The following MAPK8 variants were observed in gnomAD, a reference collection of about 807,000 sequenced individuals.
MAPK8 encodes JUN N-terminal kinase.
Under a neutral mutation model 52.9 loss-of-function variants are expected in MAPK8, and 13 were observed. The observed-to-expected ratio is 0.25, with a 90% confidence interval of 0.16 to 0.39. The LOEUF (loss-of-function observed/expected upper bound fraction) is 0.39, where lower values mean the gene tolerates loss of function less well. Ranked by LOEUF, MAPK8 falls within the 10% of genes least tolerant of loss-of-function variation. The probability of loss-of-function intolerance (pLI) is 1.00; values close to 1 mark genes in which losing one functional copy is unlikely to be tolerated. For synonymous variants in MAPK8, 191 were observed against 169.8 expected (o/e 1.12, Z -0.97); for missense variants, 300 against 519.2 (o/e 0.58, Z 4.10).
At chr10:48,357,864 C>A (rs1178700524) in intron 1 of MAPK8, among the ~76,000 whole-genome samples, 4 of 152,190 alleles carry the variant, frequency 2.6e-5, no homozygotes, top group African/African-American at 9.7e-5. Context: ...TCCTCATTCC[C>A]CTGTCCCATT....
chr10:48,420,316 A>C lies in MAPK8; in HGVS notation c.612A>C (p.Glu204Asp). The C allele has an allele frequency of 6.2e-7, 1 of 1,604,004 alleles. No homozygotes were observed. Among genetic ancestry groups the C allele is most frequent in the Non-Finnish European group, 8.5e-7 (1 of 1,173,902 alleles). Residue 204 changes from glutamate to aspartate, a missense_variant, in exon 6 of 12, where the codon GAA (glutamate) becomes GAC (aspartate). Around this residue, in one of 3 missense-constraint regions of MAPK8, gnomAD observed 147 missense variants for 328.1 expected, o/e 0.45. Coordinates refer to ENST00000374189, the MANE Select transcript of MAPK8 (RefSeq NM_001323329.2). ...PEVILGMGYK[E>D]NVDLWSVGCI... ...TCATCCTTGGCATGGGCTACAAGGA[A>C]AACGGTCAGCACACACATTTATTTG...
At chr10:48,406,823 G>GCACC (rs1313145777) in intron 3 of MAPK8, among the ~76,000 whole-genome samples, 3 of 152,002 alleles carry the variant, frequency 2.0e-5, no homozygotes, top group African/African-American at 4.8e-5. Context: ...AAGTGACCTA[G>GCACC]CACACACTAC....
chr10:48,400,891 G>A (rs2042125423), intron 1 of MAPK8, among the ~76,000 whole-genome samples: 2 of 152,220 alleles, frequency 1.3e-5, no homozygotes, highest in South Asian at 4.1e-4. Context: ...GTAAAGGAAT[G>A]GTAGTCAGAA....
At chr10:48,347,954 A>T (rs1302517464) in intron 1 of MAPK8, among the ~76,000 whole-genome samples, 1 of 152,204 alleles carries the variant, frequency 6.6e-6, no homozygotes, top group East Asian at 1.9e-4. Flanking sequence ...CTGGTTCTAC[A>T]TCCTTGAGGA....
intron 10 of MAPK8, among the ~76,000 whole-genome samples, chr10:48,427,856 G>A (rs1368083894): frequency 3.3e-5 from 5 of 152,062 alleles, no homozygotes; most frequent in Non-Finnish European, 7.4e-5. Context: ...TTAATAACTG[G>A]TTAGTGTTCT....
chr10:48,355,466 G>A lies in MAPK8; in HGVS notation c.-49-46146G>A, dbSNP rs548011637. Among the ~76,000 whole-genome samples the A allele has an allele frequency of 7.2e-5, 10 of 139,374 alleles. No homozygotes were observed. The East Asian group carries it at 1.7e-3, about 23-fold the overall frequency. The allele number at this position is 139,374 out of a possible 152,430, so 91.4% of individuals were successfully genotyped here. On this transcript the variant is annotated intron_variant, in intron 1 of 11. Transcript: ENST00000374189. ...GGAGCTTGCAGTGAGCCGAGATTGC[G>A]CCACTGCACTCCAGCCTGGGTGACA...
chr10:48,413,243 A>G lies in MAPK8; in HGVS notation c.450+3075A>G, dbSNP rs73309924. Among the ~76,000 whole-genome samples the G allele has an allele frequency of 3.0e-3, 458 of 152,342 alleles. 4 individuals carry two copies. Among genetic ancestry groups the G allele is most frequent in the African/African-American group, 0.011 (443 of 41,574 alleles). On this transcript the variant is annotated intron_variant, in intron 5 of 11. Coordinates refer to ENST00000374189, the MANE Select transcript of MAPK8 (RefSeq NM_001323329.2). The stretch of plus-strand genomic sequence containing the variant: ...TTTAGCTCTTTTGAAAAATGCTGCT[A>G]TGAACATGGTTGTCCAAATATCTCT...
chr10:48,424,265 G>A, intron 7 of MAPK8, 106 bp downstream of exon 7: 1 of 1,071,406 alleles, frequency 9.3e-7, no homozygotes. Context: ...TTTTAAACAG[G>A]CATAAAGTTT....
rs988262121 is a variant in MAPK8 at position 48,431,247 on chromosome 10, T to C, written c.1115T>C (p.Ile372Thr). 3 of 1,611,968 alleles carry C rather than the reference T, an allele frequency of 1.9e-6. No individual in the cohort carries two copies. Among genetic ancestry groups the C allele is most frequent in the South Asian group, 1.1e-5 (1 of 91,008 alleles). ...GAGGAGAGAACCAAGAATGGAGTTA[T>C]ACGGGGGCAGCCCTCTCCTTTAGGT... The part of the protein sequence containing the change: ...DLEERTKNGV[I>T]RGQPSPLGAA... Residue 372 changes from isoleucine (I) to threonine (T), a missense_variant, in exon 11 of 12, where the codon ATA becomes ACA. Transcript: ENST00000374189.
chr10:48,421,340 A>G (rs2043342488), intron 6 of MAPK8, among the ~76,000 whole-genome samples: 2 of 152,180 alleles, frequency 1.3e-5, no homozygotes, highest in African/African-American at 4.8e-5. Flanking sequence ...CTGAAATTTG[A>G]AGTTTTTTAT....
chr10:48,365,038 G>T (rs1254918396), intron 1 of MAPK8, among the ~76,000 whole-genome samples: 3 of 152,104 alleles, frequency 2.0e-5, no homozygotes, highest in Non-Finnish European at 4.4e-5. Flanking sequence ...ATTTAAAGGA[G>T]AATGGCAAGT....
intron 11 of MAPK8, among the ~76,000 whole-genome samples, chr10:48,434,544 T>C (rs979591902): frequency 6.6e-6 from 1 of 152,214 alleles, no homozygotes; most frequent in Non-Finnish European, 1.5e-5. Context: ...TTGCATGTAT[T>C]ATCAGCAGTA....
intron 1 of MAPK8, among the ~76,000 whole-genome samples, chr10:48,345,723 C>A (rs1845707118): frequency 6.6e-6 from 1 of 152,072 alleles, no homozygotes; most frequent in Admixed American, 6.6e-5. Flanking sequence ...TGCTCAGGAC[C>A]CAGATAATAT....
At chr10:48,328,557 T>C (rs74130245) in intron 1 of MAPK8, among the ~76,000 whole-genome samples, 93 of 152,326 alleles carry the variant, frequency 6.1e-4, no homozygotes, top group African/African-American at 2.2e-3. Context: ...GGACACTCCT[T>C]TTCTTTAGGA....
intron 1 of MAPK8, among the ~76,000 whole-genome samples, chr10:48,321,496 T>G (rs1239327446): frequency 6.6e-6 from 1 of 152,236 alleles, no homozygotes; most frequent in African/African-American, 2.4e-5. Flanking sequence ...GCATCATTTG[T>G]AGCACAAAAA....
At chr10:48,333,653 C>T (rs762518953) in intron 1 of MAPK8, among the ~76,000 whole-genome samples, 10 of 152,158 alleles carry the variant, frequency 6.6e-5, no homozygotes, top group East Asian at 1.9e-4. Flanking sequence ...ATAACTTGAC[C>T]GGCCGGATGC....
At position 48,420,300 on chromosome 10, in the gene MAPK8, G is replaced by C; in HGVS notation, c.596G>C (p.Gly199Ala). ...RYYRAPEVIL[G>A]MGYKENVDLW... ...TACAGAGCACCCGAGGTCATCCTTGGCATGGGCTACAAGGAAAACGGTCAG... is the reference window on the plus strand; with the variant it reads ...TACAGAGCACCCGAGGTCATCCTTGCCATGGGCTACAAGGAAAACGGTCAG... Residue 199 changes from glycine (G) to alanine (A), a missense_variant, in exon 6 of 12, where the codon GGC becomes GCC. Around this residue, in one of 3 missense-constraint regions of MAPK8, gnomAD observed 147 missense variants for 328.1 expected, o/e 0.45. Coordinates refer to ENST00000374189, the MANE Select transcript of MAPK8 (RefSeq NM_001323329.2). 6.2e-7 allele frequency: 1 copy of C among 1,610,544 alleles called. No homozygotes were observed. The highest frequency in any genetic ancestry group is 8.5e-7 in the Non-Finnish European group (1 of 1,178,032).
At chr10:48,425,354 TA>T (rs769448901) in intron 7 of MAPK8, 45 of 482,456 alleles carry the variant, frequency 9.3e-5, no homozygotes, top group Middle Eastern at 5.7e-4. Context: ...AAAATTTTTT[TA>T]AACCTAAGCT....
At chr10:48,347,472 C>T (rs1341266446) in intron 1 of MAPK8, among the ~76,000 whole-genome samples, 9 of 152,104 alleles carry the variant, frequency 5.9e-5, no homozygotes, top group Non-Finnish European at 1.2e-4. Context: ...TAGGTATACA[C>T]GTGGCATGGT....
Sources: gnomAD v4.1 joint callset for allele counts (sites outside exome capture counted in the v4.1 genomes callset) on GRCh38, gnomAD v4.1.1 for gene constraint, gnomAD v4.1.1 regional missense constraint, MANE v1.5 for transcripts, NCBI Gene and HGNC (gene_info 2026-07-23, HGNC 2026-07-21) for gene names.